MBD5: variants seen among roughly 807,000 people sequenced by gnomAD.
MBD5 encodes the protein methyl-CpG-binding domain protein 5.
Under a neutral mutation model 117.3 loss-of-function variants are expected in MBD5, and 13 were observed. The observed-to-expected ratio is 0.11, with a 90% CI of 0.07 to 0.18. The LOEUF (loss-of-function observed/expected upper bound fraction) is 0.18. MBD5 is among the 10% of genes least tolerant of loss of function. The pLI, the probability that MBD5 is intolerant of heterozygous loss-of-function variation, is 1.00. For missense variants in MBD5, 1,879 were observed against 2,093.8 expected (o/e 0.90, Z 2.00); for synonymous variants, 727 against 766.4 (o/e 0.95, Z 0.85).
At chr2:148,443,813 A>G (rs572306945) in intron 4 of MBD5, among the ~76,000 whole-genome samples, 2 of 151,316 alleles carry the variant, frequency 1.3e-5, no homozygotes, top group East Asian at 1.9e-4. Context: ...GAAAGAATGA[A>G]TAAGACGGAG....
At chr2:148,433,337 T>G (rs1706049828) in intron 4 of MBD5, among the ~76,000 whole-genome samples, 1 of 152,106 alleles carries the variant, frequency 6.6e-6, no homozygotes, top group Non-Finnish European at 1.5e-5. Context: ...TTGGATGCCT[T>G]TTATCTCTTT....
At chr2:148,290,227 G>A (rs1247395486) in intron 3 of MBD5, among the ~76,000 whole-genome samples, 2 of 149,018 alleles carry the variant, frequency 1.3e-5, no homozygotes, top group Admixed American at 1.3e-4. Flanking sequence ...CAAAGTCCTG[G>A]GATTATAGGC....
rs747447962 is a variant in MBD5, at chr2:148,483,316, C to T, written c.2725C>T (p.His909Tyr). Residue 909 changes from histidine to tyrosine, a missense_variant, in exon 9 of 14, where the codon CAT (histidine) becomes TAT (tyrosine). By Grantham distance (83) the His-to-Tyr change is moderately conservative. This residue lies in a region of MBD5 where 1,666 missense variants were observed against 1,792.2 expected (regional missense o/e 0.93). Coordinates refer to ENST00000642680, the MANE Select transcript of MBD5 (RefSeq NM_001378120.1). ...HFPSNSTSNN[H>Y]LPHPLNPSLL... Reference sequence around the variant, plus strand: ...TCCATCCAACAGCACTTCAAACAACCATCTTCCACACCCCTTGAACCCCAG... The same window carrying T: ...TCCATCCAACAGCACTTCAAACAACTATCTTCCACACCCCTTGAACCCCAG... 1.1e-5 allele frequency: 17 copies of T among 1,613,974 alleles called. No individual in the cohort carries two copies. In the East Asian group the frequency reaches 3.6e-4, roughly 34 times the overall value.
intron 3 of MBD5, among the ~76,000 whole-genome samples, chr2:148,278,313 T>G (rs189136002): frequency 6.6e-6 from 1 of 152,318 alleles, no homozygotes; most frequent in East Asian, 1.9e-4. Context: ...ATGAATGTTC[T>G]GTGTGTGTTT....
intron 1 of MBD5, among the ~76,000 whole-genome samples, chr2:148,165,551 G>T (rs1478533081): frequency 6.6e-6 from 1 of 151,860 alleles, no homozygotes; most frequent in Non-Finnish European, 1.5e-5. Flanking sequence ...CAATGAACAG[G>T]TTTTTTATAT....
Position 148,363,596 on chromosome 2 carries a change from T to C in MBD5, c.-557+21260T>C, listed in dbSNP as rs534596206. Among the ~76,000 whole-genome samples the C allele has an allele frequency of 3.3e-5, 5 of 152,192 alleles. No homozygotes were observed. The South Asian group carries it at 1.0e-3, about 32-fold the overall frequency. ...TAAAATAACCAGTTAAGAAAAGACC[T>C]GTTCTGCAGCCTCTGCTGGTGATAC... is the stretch of plus-strand genomic sequence containing the variant. On this transcript the variant is annotated intron_variant, in intron 4 of 13. Coordinates refer to ENST00000642680, the MANE Select transcript of MBD5 (RefSeq NM_001378120.1).
chr2:148,494,129 T>C (rs910720671), intron 11 of MBD5, among the ~76,000 whole-genome samples: 3 of 152,248 alleles, frequency 2.0e-5, no homozygotes, highest in Non-Finnish European at 4.4e-5. Flanking sequence ...TCTTATTAAT[T>C]TAGATTCCAC....
chr2:148,397,896 T>C (rs1263043229), intron 4 of MBD5, among the ~76,000 whole-genome samples: 2 of 151,374 alleles, frequency 1.3e-5, no homozygotes, highest in East Asian at 2.0e-4. Flanking sequence ...AGTGAGAACA[T>C]GCAGTGTTTG....
chr2:148,498,614 G>A (rs1681777650), intron 11 of MBD5, among the ~76,000 whole-genome samples: 1 of 152,138 alleles, frequency 6.6e-6, no homozygotes, highest in Non-Finnish European at 1.5e-5. Flanking sequence ...GGGATTACAG[G>A]CGTGAGCCAC....
intron 4 of MBD5, among the ~76,000 whole-genome samples, chr2:148,428,178 A>G (rs1366360261): frequency 6.6e-6 from 1 of 152,220 alleles, no homozygotes; most frequent in Non-Finnish European, 1.5e-5. Flanking sequence ...TGCAAAAATC[A>G]CAAGCATTCT....
At chr2:148,361,567 T>C (rs1473379767) in intron 4 of MBD5, among the ~76,000 whole-genome samples, 2 of 152,218 alleles carry the variant, frequency 1.3e-5, no homozygotes, top group Non-Finnish European at 2.9e-5. Flanking sequence ...TTTGCAACAT[T>C]GCCCAGGATC....
chr2:148,080,963 G>A (rs1220575818), intron 1 of MBD5, among the ~76,000 whole-genome samples: 1 of 152,090 alleles, frequency 6.6e-6, no homozygotes, highest in African/African-American at 2.4e-5. Flanking sequence ...ATGCAATATA[G>A]GAAGCTAAGA....
At chr2:148,033,658 CAAGG>C (rs1694104611) in intron 1 of MBD5, among the ~76,000 whole-genome samples, 3 of 152,102 alleles carry the variant, frequency 2.0e-5, no homozygotes, top group African/African-American at 7.2e-5. Context: ...TTGTAAGAGA[CAAGG>C]AAGATATGTA....
In MBD5 at chr2:148,323,698, T is replaced by C. The variant is rs574346147; in HGVS notation, c.-679-18516T>C. Among the ~76,000 whole-genome samples the C allele has an allele frequency of 4.2e-3, 637 of 152,292 alleles. 7 individuals carry two copies. Among genetic ancestry groups the C allele is most frequent in the African/African-American group, 0.015 (614 of 41,562 alleles). On this transcript the variant is annotated intron_variant, in intron 3 of 13. Coordinates refer to ENST00000642680, the MANE Select transcript of MBD5 (RefSeq NM_001378120.1). ...GCCCACTTTTTGATGGGGTTGTTTG[T>C]TTTTTTCTTGTAAATTTGAGTTCAT...
chr2:148,485,944 C>A lies in MBD5; in HGVS notation c.3747C>A (p.Asn1249Lys). 6.2e-7 allele frequency: 1 copy of A among 1,613,482 alleles called. No homozygotes were observed. Among genetic ancestry groups the A allele is most frequent in the Non-Finnish European group, 8.5e-7 (1 of 1,179,416 alleles). ...ACCCCATGGCTTGTCTGTTTCAGAA[C>A]TTTCAGGTACTCTCCTCTGCTGTGT... is the stretch of plus-strand genomic sequence containing the variant. Reference protein sequence around the residue: ...NNNPMACLFQNFQVRMQEDAA... With the variant: ...NNNPMACLFQKFQVRMQEDAA... The change falls in exon 10 of 14, where the codon AAC becomes AAA. Residue 1249 changes from asparagine (N) to lysine (K), a missense_variant. Transcript: ENST00000642680.
At chr2:148,210,323 A>T (rs1460736772) in intron 2 of MBD5, among the ~76,000 whole-genome samples, 2 of 152,056 alleles carry the variant, frequency 1.3e-5, no homozygotes, top group Non-Finnish European at 2.9e-5. Context: ...TTAAGGATGT[A>T]CCATTTAGAA....
At chr2:148,407,826 C>A (rs1350858361) in intron 4 of MBD5, among the ~76,000 whole-genome samples, 1 of 152,088 alleles carries the variant, frequency 6.6e-6, no homozygotes, top group East Asian at 1.9e-4. Context: ...TTCATAGTTA[C>A]TTTTCAAGGT....
intron 4 of MBD5, among the ~76,000 whole-genome samples, chr2:148,375,283 C>T (rs983592983): frequency 3.3e-5 from 5 of 152,160 alleles, no homozygotes; most frequent in Non-Finnish European, 5.9e-5. Flanking sequence ...TCCTCACTGA[C>T]CAGTATAACA....
rs575654382 is a variant in MBD5, at chr2:148,261,923, A to T, written c.-680+28528A>T. On this transcript the variant is annotated intron_variant, in intron 3 of 13. Transcript: ENST00000642680. ...GTTGTGTCTTAGGGGAGAGGGAGAG[A>T]GATGGGGGAACAGCCGGATTCTGTG... Among the ~76,000 whole-genome samples, 4 of 152,282 alleles carry T rather than the reference A, an allele frequency of 2.6e-5. No homozygotes were observed. In the South Asian group the frequency reaches 6.2e-4, roughly 24 times the overall value.
Sources: gnomAD v4.1 joint callset for allele counts (sites outside exome capture counted in the v4.1 genomes callset) on GRCh38, gnomAD v4.1.1 for gene constraint, gnomAD v4.1.1 regional missense constraint, MANE v1.5 for transcripts, NCBI Gene and HGNC (gene_info 2026-07-23, HGNC 2026-07-21) for gene names.